Variants in MUC17 observed in about 807,000 individuals in gnomAD.
MUC17 encodes the protein mucin 17, cell surface associated, also known as mucin-17.
In MUC17, 190 loss-of-function variants were observed where a neutral mutation model predicts 170.3. The ratio of observed to expected loss-of-function variants is 1.12; its 90% CI spans 0.99 to 1.26. The LOEUF (loss-of-function observed/expected upper bound fraction) is 1.26. Ranked by LOEUF, MUC17 falls within the 50% of genes most tolerant of loss-of-function variation. The probability of loss-of-function intolerance (pLI) is 0.00; values close to 1 mark genes in which losing one functional copy is unlikely to be tolerated. For synonymous variants in MUC17, 2,325 were observed against 2,002.5 expected (o/e 1.16, Z -4.30); for missense variants, 6,415 against 5,530.0 (o/e 1.16, Z -5.08).
At chr7:101,051,738 G>A in intron 8 of MUC17, 57 bp downstream of exon 8, 1 of 1,605,856 alleles carries the variant, frequency 6.2e-7, no homozygotes. Flanking sequence ...AGCCCAGGAG[G>A]AGTGGGACAG....
chr7:101,043,401 A>C lies in MUC17; in HGVS notation c.11985A>C (p.Ala3995=), dbSNP rs138049453. 9 of 1,613,944 alleles carry C rather than the reference A, an allele frequency of 5.6e-6. No individual in the cohort carries two copies. The highest frequency in any genetic ancestry group is 7.6e-6 in the Non-Finnish European group (9 of 1,180,028). The change falls in exon 3 of 13, where the codon GCA becomes GCC. Residue 3995 remains alanine (A), a synonymous_variant. Transcript: ENST00000306151. The stretch of plus-strand genomic sequence containing the variant: ...CTACTAAGGAATTTACAACACCCGC[A>C]ATGACTACTGCAGCTCCCCTCACAT... ...FSTTKEFTTP[A]MTTAAPLTYV... is the part of the protein sequence containing the mutation.
At position 101,038,724 on chromosome 7, in the gene MUC17, A is replaced by C. The variant is rs146198153; in HGVS notation, c.7308A>C (p.Ser2436=). ...TPVTTSTEAS[S]SPTTAEGTSI... ...TCACCACTTCTACTGAAGCCAGTTCATCTCCTACAACTGCTGAAGGTACCA... is the reference window on the plus strand; with the variant it reads ...TCACCACTTCTACTGAAGCCAGTTCCTCTCCTACAACTGCTGAAGGTACCA... The change falls in exon 3 of 13, where the codon TCA becomes TCC. Residue 2436 remains serine, a synonymous_variant. Coordinates refer to ENST00000306151, the MANE Select transcript of MUC17 (RefSeq NM_001040105.2). 42 of 1,612,646 alleles carry C rather than the reference A, an allele frequency of 2.6e-5. No individual in the cohort carries two copies. The African/African-American group carries it at 5.2e-4, about 20-fold the overall frequency.
rs765259344 is a variant in MUC17 at position 101,042,664 on chromosome 7, GA to G, written c.11251del (p.Ile3751Ter). The stretch of plus-strand genomic sequence containing the variant: ...CACCATGTCTGTGTCAATGCCCATG[GA>G]AATAAGCACCCTTGGGACCACTATT... ...STTMSVSMPM[E>X]ISTLGTTILV... On this transcript the variant is annotated frameshift_variant, in exon 3 of 13. Transcript: ENST00000306151. LOFTEE classifies it high-confidence loss of function. The G allele has an allele frequency of 7.6e-5, 123 of 1,613,940 alleles. 1 individual carries two copies. In the Middle Eastern group the frequency reaches 1.6e-3, roughly 22 times the overall value.
At position 101,044,000 on chromosome 7, in the gene MUC17, C is replaced by T. The variant is rs1314789766; in HGVS notation, c.12403+181C>T. Among the ~76,000 whole-genome samples, 4 of 152,172 alleles carry T rather than the reference C, an allele frequency of 2.6e-5. No homozygotes were observed. In the East Asian group the frequency reaches 7.7e-4, roughly 29 times the overall value. On this transcript the variant is annotated intron_variant, in intron 3 of 12. Transcript: ENST00000306151. ...TGCTATCCCTCCCCCATCCCCCTAC[C>T]CCATGGCAGGCCCCGGTGTGTGATG... is the stretch of plus-strand genomic sequence containing the variant.
Position 101,040,670 on chromosome 7 carries a change from C to G in MUC17, c.9254C>G (p.Ser3085Ter). 6.2e-7 allele frequency: 1 copy of G among 1,613,158 alleles called. No individual in the cohort carries two copies. Among genetic ancestry groups the G allele is most frequent in the Non-Finnish European group, 8.5e-7 (1 of 1,179,582 alleles). Reference protein sequence around the residue: ...SPVVTSTEVSSSPTPAEGTSM... With the variant: ...SPVVTSTEVS ...GTGGTCACTTCTACTGAAGTCAGTT[C>G]ATCTCCTACACCTGCTGAAGGTACC... Residue 3085 changes from serine (S) to a stop codon, truncating the protein, a stop_gained, in exon 3 of 13, where the codon TCA becomes TGA. Coordinates refer to ENST00000306151, the MANE Select transcript of MUC17 (RefSeq NM_001040105.2). LOFTEE classifies it high-confidence loss of function.
rs1794874475 is a variant in MUC17 at position 101,048,113 on chromosome 7, T to C, written c.12533T>C (p.Ile4178Thr). The change falls in exon 4 of 13, where the codon ATA (isoleucine) becomes ACA (threonine). Residue 4178 changes from isoleucine to threonine, a missense_variant and splice_region_variant. Ile to Thr is a moderately conservative substitution (Grantham distance 89). Transcript: ENST00000306151. Reference sequence around the variant, plus strand: ...GAGGAGGTGGTCAGCAGCATTGACATAGGTGAGTGCAACCCCAGGCCTTCC... The same window carrying C: ...GAGGAGGTGGTCAGCAGCATTGACACAGGTGAGTGCAACCCCAGGCCTTCC... ...LCEEVVSSID[I>T]GPPETISAQM... 5 of 1,592,472 alleles carry C rather than the reference T, an allele frequency of 3.1e-6. No individual in the cohort carries two copies. Among genetic ancestry groups the C allele is most frequent in the Middle Eastern group, 1.9e-4 (1 of 5,174 alleles).
At chr7:101,045,929 CTCT>C (rs1173223662) in intron 3 of MUC17, among the ~76,000 whole-genome samples, 1 of 152,208 alleles carries the variant, frequency 6.6e-6, no homozygotes, top group Non-Finnish European at 1.5e-5. Context: ...TTCTGTCTTC[CTCT>C]TCTTCCCCAG....
chr7:101,045,010 G>T (rs1487930261), intron 3 of MUC17, among the ~76,000 whole-genome samples: 8 of 152,080 alleles, frequency 5.3e-5, no homozygotes, highest in Non-Finnish European at 1.2e-4. Flanking sequence ...TCTGACTCAA[G>T]AACTTTCACT....
In MUC17 at chr7:101,042,280, G is replaced by C. The variant is rs1024697909; in HGVS notation, c.10864G>C (p.Val3622Leu). ...QSNSTPTPPE[V>L]ITLPMSTPSE... is the part of the protein sequence containing the mutation. ...CAATTCTACTCCTACACCTCCTGAA[G>C]TTATCACCCTGCCAATGTCAACTCC... The change falls in exon 3 of 13, where the codon GTT becomes CTT. Residue 3622 changes from valine (V) to leucine (L), a missense_variant. Physicochemically the swap from Val to Leu is conservative, Grantham distance 32. Transcript: ENST00000306151. The C allele has an allele frequency of 8.7e-6, 14 of 1,613,020 alleles. No individual in the cohort carries two copies. The highest frequency in any genetic ancestry group is 1.2e-5 in the Non-Finnish European group (14 of 1,179,830).
intron 1 of MUC17, among the ~76,000 whole-genome samples, chr7:101,025,358 G>A (rs374786268): frequency 1.6e-3 from 225 of 144,532 alleles, no homozygotes; most frequent in African/African-American, 5.2e-3. Flanking sequence ...GGGAGACTCC[G>A]TCTTAAGAAA....
Position 101,051,921 on chromosome 7 carries a change from C to T in MUC17, c.13062C>T (p.Asn4354=), listed in dbSNP as rs755454076. ...GCTTCAGTGTCTCCAAGAACTGTAA[C>T]CTCGGCAAGTGCCAGATGTCTCTAA... ...EPGFSVSKNC[N]LGKCQMSLSG... is the part of the protein sequence containing the mutation. The change falls in exon 9 of 13, where the codon AAC becomes AAT. Residue 4354 remains asparagine (N), a synonymous_variant. Transcript: ENST00000306151. 1 of 1,614,046 alleles carries T rather than the reference C, an allele frequency of 6.2e-7. No homozygotes were observed.
In MUC17 at chr7:101,045,865, G is replaced by A. The variant is rs139382353; in HGVS notation, c.12403+2046G>A. On this transcript the variant is annotated intron_variant, in intron 3 of 12. Coordinates refer to ENST00000306151, the MANE Select transcript of MUC17 (RefSeq NM_001040105.2). ...ACGACAAAGGCCAGGTGGCTGCAAT[G>A]CCACTGGACCCACCATCTGGTGTCG... Among the ~76,000 whole-genome samples the A allele has an allele frequency of 4.0e-3, 615 of 152,318 alleles. 4 individuals are homozygous for A. Among genetic ancestry groups the A allele is most frequent in the African/African-American group, 0.014 (588 of 41,574 alleles).
rs372190431 is a variant in MUC17 at position 101,031,598 on chromosome 7, C to T, written c.185-3C>T. The stretch of plus-strand genomic sequence containing the variant: ...AAACAAAATATCATTGTATCTTAAA[C>T]AGGTTCTGCGGCAAACACCGCCACA... On this transcript the variant is annotated splice_polypyrimidine_tract_variant and splice_region_variant and intron_variant, in intron 2 of 12. Transcript: ENST00000306151. The T allele has an allele frequency of 3.3e-6, 5 of 1,524,200 alleles. No individual in the cohort carries two copies. Among genetic ancestry groups the T allele is most frequent in the East Asian group, 2.3e-5 (1 of 44,180 alleles). 94.4% of individuals were successfully genotyped at this position (1,524,200 alleles called of 1,614,324 possible).
rs760274671 is a variant in MUC17, at chr7:101,034,379, C to T, written c.2963C>T (p.Thr988Ile). ...GAAGGAACGACTCCATTAACAAGCA[C>T]ACCTGTCAGCCACACGCTGGTGGCC... ...PSEGTTPLTS[T>I]PVSHTLVANS... The change falls in exon 3 of 13, where the codon ACA becomes ATA. Residue 988 changes from threonine (T) to isoleucine (I), a missense_variant. Physicochemically the swap from Thr to Ile is moderately conservative, Grantham distance 89. Coordinates refer to ENST00000306151, the MANE Select transcript of MUC17 (RefSeq NM_001040105.2). The T allele has an allele frequency of 4.4e-6, 7 of 1,607,180 alleles. No homozygotes were observed. The highest frequency in any genetic ancestry group is 4.5e-5 in the East Asian group (2 of 44,026).
Position 101,037,763 on chromosome 7 carries a change from G to C in MUC17, c.6347G>C (p.Ser2116Thr), listed in dbSNP as rs1313933508. 3 of 1,613,548 alleles carry C rather than the reference G, an allele frequency of 1.9e-6. No homozygotes were observed. Residue 2116 changes from serine (S) to threonine (T), a missense_variant, in exon 3 of 13, where the codon AGT becomes ACT. Coordinates refer to ENST00000306151, the MANE Select transcript of MUC17 (RefSeq NM_001040105.2). ...CCTCTCAGCACCACGCCGGTGGCCA[G>C]TCCTGAGGCTAGCACCCTTTCAACA... is the stretch of plus-strand genomic sequence containing the variant. ...SIPLSTTPVA[S>T]PEASTLSTTP...
rs201024108 is a variant in MUC17 at position 101,039,572 on chromosome 7, C to G, written c.8156C>G (p.Thr2719Ser). 1.1e-5 allele frequency: 18 copies of G among 1,612,618 alleles called. No individual in the cohort carries two copies. The Middle Eastern group carries it at 5.0e-4, about 44-fold the overall frequency. ...ASTLSTTPVDTSTPVTTSAEA... is the reference protein window; with the variant it reads ...ASTLSTTPVDSSTPVTTSAEA... ...ACCCTTTCAACAACTCCTGTTGACA[C>G]CAGCACACCTGTCACCACTTCTGCT... Residue 2719 changes from threonine (T) to serine (S), a missense_variant, in exon 3 of 13, where the codon ACC (threonine) becomes AGC (serine). Thr to Ser is a moderately conservative substitution (Grantham distance 58). Transcript: ENST00000306151.
At chr7:101,050,659 G>C in intron 7 of MUC17, 24 bp downstream of exon 7, 1 of 1,609,670 alleles carries the variant, frequency 6.2e-7, no homozygotes. Flanking sequence ...TTCCAGGGAG[G>C]GAAGGGAGAA....
In MUC17 at chr7:101,042,881, G is replaced by T; in HGVS notation, c.11465G>T (p.Ser3822Ile). ...ACTTTATTGACAACTGTCCTCATCA[G>T]CCCTATATCTGTGATGAGTCCTTCT... ...RSTLLTTVLI[S>I]PISVMSPSEA... Residue 3822 changes from serine (S) to isoleucine (I), a missense_variant, in exon 3 of 13, where the codon AGC becomes ATC. Physicochemically the swap from Ser to Ile is moderately radical, Grantham distance 142. Coordinates refer to ENST00000306151, the MANE Select transcript of MUC17 (RefSeq NM_001040105.2). 1.2e-6 allele frequency: 2 copies of T among 1,613,994 alleles called. No homozygotes were observed. Among genetic ancestry groups the T allele is most frequent in the Non-Finnish European group, 8.5e-7 (1 of 1,179,994 alleles).
At chr7:101,024,172 G>A (rs185449247) in intron 1 of MUC17, among the ~76,000 whole-genome samples, 7 of 152,048 alleles carry the variant, frequency 4.6e-5, no homozygotes, top group South Asian at 2.1e-4. Context: ...AGGCTGAGGC[G>A]GTGGATCACT....
Sources: allele counts gnomAD v4.1 joint callset (sites outside exome capture counted in the v4.1 genomes callset), GRCh38; gene constraint gnomAD v4.1.1; transcripts MANE v1.5; gene names NCBI Gene and HGNC (gene_info 2026-07-23, HGNC 2026-07-21).